APP: variants seen among roughly 807,000 people sequenced by gnomAD.
APP encodes amyloid-beta precursor protein.
A neutral mutation model predicts 101.4 loss-of-function variants in APP; 31 were observed. The observed-to-expected ratio is 0.31, with a 90% confidence interval of 0.23 to 0.41. The LOEUF (loss-of-function observed/expected upper bound fraction) is 0.41, where lower values mean the gene tolerates loss of function less well. Among genes scored for constraint, APP ranks in the 10% least tolerant of loss-of-function variants. The probability of loss-of-function intolerance (pLI) is 1.00; values close to 1 mark genes in which losing one functional copy is unlikely to be tolerated. For missense variants in APP, 839 were observed against 1,003.7 expected (o/e 0.84, Z 2.22); for synonymous variants, 366 against 364.4 (o/e 1.00, Z -0.05).
intron 1 of APP, among the ~76,000 whole-genome samples, chr21:26,139,518 T>G (rs575830648): frequency 3.0e-4 from 46 of 152,348 alleles, no homozygotes; most frequent in African/African-American, 1.1e-3. Context: ...ACTATGTGTT[T>G]ATACTATGGC....
At chr21:26,084,560 T>A (rs1249181740) in intron 3 of APP, among the ~76,000 whole-genome samples, 1 of 152,136 alleles carries the variant, frequency 6.6e-6, no homozygotes, top group Non-Finnish European at 1.5e-5. Context: ...TTTATAGGTG[T>A]TCTTGCTTAA....
In APP at chr21:26,031,252, C is replaced by A. The variant is rs536475058; in HGVS notation, c.663-9210G>T. Among the ~76,000 whole-genome samples, 13 of 152,296 alleles carry A rather than the reference C, an allele frequency of 8.5e-5. No individual in the cohort carries two copies. In the South Asian group the frequency reaches 2.5e-3, roughly 29 times the overall value. ...AGGTGGTCTGTGTCCAAAATGGCTA[C>A]AAAGCAACCTAGGAAAGTCACAAAG... On this transcript the variant is annotated intron_variant, in intron 5 of 17. Transcript: ENST00000346798.
At position 25,911,962 on chromosome 21, in the gene APP, TCTAAACCAAAC is replaced by T; in HGVS notation, c.1688-11_1688-1del. 6.2e-7 allele frequency: 1 copy of T among 1,612,988 alleles called. No individual in the cohort carries two copies. Among genetic ancestry groups the T allele is most frequent in the Non-Finnish European group, 8.5e-7 (1 of 1,179,022 alleles). ...GTTTTGCTCTTTCTGAAGCAGCTCA[TCTAAACCAAAC>T]AAAACCATCTCTTTGGTGAGTAACA... On this transcript the variant is annotated splice_acceptor_variant and splice_polypyrimidine_tract_variant and intron_variant, in intron 13 of 17. Transcript: ENST00000346798. LOFTEE classifies it high-confidence loss of function.
chr21:26,152,961 C>A (rs2063308714), intron 1 of APP, among the ~76,000 whole-genome samples: 2 of 152,192 alleles, frequency 1.3e-5, no homozygotes, highest in African/African-American at 4.8e-5. Flanking sequence ...ACTACTCAGC[C>A]ATTACAAGGA....
chr21:25,892,209 G>C lies in APP; in HGVS notation c.2065-341C>G, dbSNP rs552723208. ...GGGACCTGAAACCCTTTGACAGGTGGAACATTTGGTGAGTGGTGGGAAGAT... is the reference window on the plus strand; with the variant it reads ...GGGACCTGAAACCCTTTGACAGGTGCAACATTTGGTGAGTGGTGGGAAGAT... On this transcript the variant is annotated intron_variant, in intron 16 of 17. Coordinates refer to ENST00000346798, the MANE Select transcript of APP (RefSeq NM_000484.4). Among the ~76,000 whole-genome samples the C allele has an allele frequency of 2.2e-3, 330 of 152,244 alleles. 1 individual carries two copies. Among genetic ancestry groups the C allele is most frequent in the Non-Finnish European group, 3.9e-3 (263 of 68,014 alleles).
At chr21:25,983,611 G>A (rs908691132) in intron 8 of APP, among the ~76,000 whole-genome samples, 6 of 152,238 alleles carry the variant, frequency 3.9e-5, no homozygotes, top group African/African-American at 1.4e-4. Flanking sequence ...CCGGAAGGCT[G>A]TTAAATAATT....
intron 1 of APP, among the ~76,000 whole-genome samples, chr21:26,136,337 C>G (rs1029953853): frequency 1.3e-5 from 2 of 151,988 alleles, no homozygotes; most frequent in Admixed American, 1.3e-4. Flanking sequence ...AGCCACCGAG[C>G]AATCATATAC....
intron 5 of APP, among the ~76,000 whole-genome samples, chr21:26,042,966 G>A (rs1299049748): frequency 6.6e-6 from 1 of 152,056 alleles, no homozygotes; most frequent in African/African-American, 2.4e-5. Flanking sequence ...AAATGCTCAA[G>A]AGGTTTAGTG....
chr21:25,932,957 G>A (rs1165231820), intron 13 of APP, among the ~76,000 whole-genome samples: 1 of 151,938 alleles, frequency 6.6e-6, no homozygotes, highest in East Asian at 1.9e-4. Flanking sequence ...CTCCAACATC[G>A]TTTTTTACAT....
intron 5 of APP, among the ~76,000 whole-genome samples, chr21:26,031,026 T>A (rs1055885471): frequency 2.7e-5 from 4 of 146,450 alleles, no homozygotes; most frequent in African/African-American, 1.1e-4. Context: ...CACTAGCACA[T>A]TACAAGGTGA....
intron 2 of APP, among the ~76,000 whole-genome samples, chr21:26,102,086 T>C (rs1462257091): frequency 8.6e-5 from 6 of 69,688 alleles, no homozygotes; most frequent in Non-Finnish European, 1.5e-4. Flanking sequence ...TATGTGGTTT[T>C]TTTTTTTTTT....
intron 5 of APP, among the ~76,000 whole-genome samples, chr21:26,026,252 T>C (rs2044568919): frequency 6.6e-6 from 1 of 152,220 alleles, no homozygotes; most frequent in Non-Finnish European, 1.5e-5. Context: ...CAATTTATAG[T>C]GGGTGGCTTT....
chr21:26,001,358 TTC>T (rs1169920086), intron 6 of APP, among the ~76,000 whole-genome samples: 1 of 152,146 alleles, frequency 6.6e-6, no homozygotes, highest in African/African-American at 2.4e-5. Flanking sequence ...AACAGCCCAA[TTC>T]TCTCTCTGGG....
At chr21:26,022,708 C>T (rs925466570) in intron 5 of APP, among the ~76,000 whole-genome samples, 3 of 152,070 alleles carry the variant, frequency 2.0e-5, no homozygotes, top group Admixed American at 6.6e-5. Flanking sequence ...CTGAGTTTGC[C>T]GTATTATGGG....
At chr21:26,166,914 GAAAGAGACAGAGGGTGTGTGTGT>G in intron 1 of APP, among the ~76,000 whole-genome samples, 1 of 129,334 alleles carries the variant, frequency 7.7e-6, no homozygotes, top group Non-Finnish European at 1.6e-5. Flanking sequence ...GAAAGAGAGA[GAAAGAGACAGAGGGTGTGTGTGT>G]GTGTGTGTGT....
chr21:25,887,275 C>T (rs937719155), intron 17 of APP, among the ~76,000 whole-genome samples: 8 of 152,062 alleles, frequency 5.3e-5, no homozygotes, highest in Admixed American at 1.3e-4. Flanking sequence ...TTTGCAGGAA[C>T]GTCCTAAAAC....
chr21:26,015,360 T>G (rs1296545166), intron 6 of APP, among the ~76,000 whole-genome samples: 1 of 152,206 alleles, frequency 6.6e-6, no homozygotes, highest in African/African-American at 2.4e-5. Flanking sequence ...ATTAATTTAA[T>G]CCTCACAAAA....
chr21:25,910,758 G>A (rs919771662), intron 14 of APP, among the ~76,000 whole-genome samples: 17 of 152,186 alleles, frequency 1.1e-4, no homozygotes, highest in African/African-American at 4.1e-4. Context: ...TTTGGCAGCT[G>A]CCTTAAATTT....
At chr21:26,139,803 G>T (rs1459169388) in intron 1 of APP, among the ~76,000 whole-genome samples, 2 of 152,086 alleles carry the variant, frequency 1.3e-5, no homozygotes, top group African/African-American at 2.4e-5. Context: ...TGAGGGAGGA[G>T]AATTGCTTGA....
Sources: allele counts gnomAD v4.1 joint callset (sites outside exome capture counted in the v4.1 genomes callset), GRCh38; gene constraint gnomAD v4.1.1; transcripts MANE v1.5; gene names NCBI Gene and HGNC (gene_info 2026-07-23, HGNC 2026-07-21).